RIPOR2: variants seen among roughly 807,000 people sequenced by gnomAD.
RIPOR2 encodes the protein RHO family interacting cell polarization regulator 2, also known as rho family-interacting cell polarization regulator 2.
Under a neutral mutation model 114.5 loss-of-function variants are expected in RIPOR2, and 39 were observed. The observed-to-expected ratio is 0.34, with a 90% confidence interval of 0.26 to 0.44. The LOEUF is 0.44. Ranked by LOEUF, RIPOR2 falls within the 20% of genes least tolerant of loss-of-function variation. RIPOR2 has a pLI of 1.00. For missense variants in RIPOR2, 1,007 were observed against 1,255.1 expected (o/e 0.80, Z 2.99); for synonymous variants, 445 against 484.4 (o/e 0.92, Z 1.07).
chr6:24,972,158 G>C (rs1435540632), intron 1 of RIPOR2, among the ~76,000 whole-genome samples: 1 of 151,896 alleles, frequency 6.6e-6, no homozygotes. Flanking sequence ...CATGTAACAG[G>C]GTAAAGAAAA....
chr6:24,865,334 T>G lies in RIPOR2; in HGVS notation c.618A>C (p.Thr206=), dbSNP rs767338870. Residue 206 remains threonine (T), a synonymous_variant, in exon 7 of 22, where the codon ACA becomes ACC. Coordinates refer to ENST00000643898, the MANE Select transcript of RIPOR2 (RefSeq NM_001286445.3). ...PASKAARESL[T]EINRSFKEYT... ...ACTCCTTGAAGCTCCGATTGATCTC[T>G]GTCAGACTCTCCCGGGCAGCTTTGC... 17 of 1,612,544 alleles carry G rather than the reference T, an allele frequency of 1.1e-5. No individual in the cohort carries two copies. The Admixed American group carries it at 1.7e-4, about 16-fold the overall frequency.
chr6:24,943,370 T>C (rs900518305), intron 1 of RIPOR2, among the ~76,000 whole-genome samples: 4 of 152,056 alleles, frequency 2.6e-5, no homozygotes, highest in South Asian at 2.1e-4. Context: ...AGGGATAGCA[T>C]TAGGAGATAC....
chr6:25,005,961 C>A (rs1775547568), intron 1 of RIPOR2, among the ~76,000 whole-genome samples: 1 of 151,760 alleles, frequency 6.6e-6, no homozygotes, highest in African/African-American at 2.4e-5. Context: ...ATTCTATGCC[C>A]AGCACAAAAG....
At chr6:24,874,436 T>G (rs1340557007) in intron 2 of RIPOR2, among the ~76,000 whole-genome samples, 1 of 152,312 alleles carries the variant, frequency 6.6e-6, no homozygotes, top group Non-Finnish European at 1.5e-5. Flanking sequence ...AATCATCTTG[T>G]GTTCACACTA....
intron 14 of RIPOR2, among the ~76,000 whole-genome samples, chr6:24,837,516 C>T (rs1259048317): frequency 6.6e-6 from 1 of 151,944 alleles, no homozygotes; most frequent in Admixed American, 6.6e-5. Context: ...TTCAAGCAAT[C>T]CTCCCACCTC....
At chr6:24,976,288 C>A in intron 1 of RIPOR2, 1 of 667,458 alleles carries the variant, frequency 1.5e-6, no homozygotes, top group Non-Finnish European at 2.6e-6. Context: ...CGTATATATG[C>A]CTTGAAATAT....
intron 1 of RIPOR2, among the ~76,000 whole-genome samples, chr6:24,949,635 C>T (rs935393317): frequency 6.6e-6 from 1 of 152,162 alleles, no homozygotes; most frequent in African/African-American, 2.4e-5. Context: ...TTGGCAAATG[C>T]CAAAAACAGT....
At chr6:24,842,769 T>C (rs982756376) in intron 13 of RIPOR2, 93 bp downstream of exon 13, 20 of 502,694 alleles carry the variant, frequency 4.0e-5, no homozygotes, top group Non-Finnish European at 6.1e-5. Context: ...TTGGACAGGA[T>C]TTTTTTTTTA....
chr6:24,923,066 C>T (rs143809410), intron 1 of RIPOR2, among the ~76,000 whole-genome samples: 467 of 152,132 alleles, frequency 3.1e-3, no homozygotes, highest in African/African-American at 0.01. Flanking sequence ...TGGCAACCAC[C>T]GTCTATTTAT....
chr6:24,870,765 C>T (rs960507227), intron 5 of RIPOR2, 101 bp downstream of exon 5: 23 of 791,290 alleles, frequency 2.9e-5, no homozygotes, highest in Middle Eastern at 2.3e-4. Context: ...CCACCCACCT[C>T]GGCCTCCCAA....
intron 1 of RIPOR2, among the ~76,000 whole-genome samples, chr6:25,003,364 T>C (rs1425038646): frequency 6.6e-6 from 1 of 150,726 alleles, no homozygotes; most frequent in African/African-American, 2.4e-5. Flanking sequence ...ACATGAATTA[T>C]CAGTTTTTCA....
At chr6:24,839,411 T>A in intron 13 of RIPOR2, 139 bp from the exon 14 acceptor site, 1 of 1,432,254 alleles carries the variant, frequency 7.0e-7, no homozygotes, top group Non-Finnish European at 9.2e-7. Flanking sequence ...AAAATGCATT[T>A]AAAAATCTTT....
At chr6:24,808,755 C>A (rs1287502013) in intron 21 of RIPOR2, among the ~76,000 whole-genome samples, 1 of 94,330 alleles carries the variant, frequency 1.1e-5, no homozygotes, top group Non-Finnish European at 2.1e-5. Context: ...ATTATTTATA[C>A]TTTTTTCTTT....
At chr6:24,976,616 A>G in intron 1 of RIPOR2, 6 of 1,609,214 alleles carry the variant, frequency 3.7e-6, no homozygotes, top group Non-Finnish European at 5.1e-6. Flanking sequence ...ACTGGAGAGA[A>G]AGGATTTGGT....
At chr6:25,002,417 T>C (rs1310082548) in intron 1 of RIPOR2, among the ~76,000 whole-genome samples, 1 of 152,236 alleles carries the variant, frequency 6.6e-6, no homozygotes, top group Non-Finnish European at 1.5e-5. Context: ...TTCTTCATTG[T>C]TCATCTTTTT....
In RIPOR2 at chr6:24,849,887, C is replaced by A. The variant is rs999550454; in HGVS notation, c.949G>T (p.Glu317Ter). ...ACCTGAGGTCGGGCTGCAAACAGCT[C>A]TTTGGTCTCACAGGTCACGCTACCT... is the stretch of plus-strand genomic sequence containing the variant. Reference protein sequence around the residue: ...LVGSVTCETKELFAARPQVVA... With the variant: ...LVGSVTCETK The change falls in exon 11 of 22, where the codon GAG (glutamate) becomes TAG (stop). Residue 317 changes from glutamate (E) to a stop codon, truncating the protein, a stop_gained. Coordinates refer to ENST00000643898, the MANE Select transcript of RIPOR2 (RefSeq NM_001286445.3). LOFTEE classifies it high-confidence loss of function. 8.1e-6 allele frequency: 13 copies of A among 1,613,798 alleles called. No individual in the cohort carries two copies. The highest frequency in any genetic ancestry group is 8.5e-6 in the Non-Finnish European group (10 of 1,179,864).
chr6:25,026,971 T>A (rs1416512067), intron 1 of RIPOR2, among the ~76,000 whole-genome samples: 1 of 152,056 alleles, frequency 6.6e-6, no homozygotes, highest in Non-Finnish European at 1.5e-5. Flanking sequence ...TTTGCTGACA[T>A]CACCTCACAA....
intron 1 of RIPOR2, among the ~76,000 whole-genome samples, chr6:25,013,862 T>C (rs1036913888): frequency 6.6e-6 from 1 of 152,226 alleles, no homozygotes; most frequent in African/African-American, 2.4e-5. Context: ...AGGAAGCTAA[T>C]AATTCAAGCC....
Position 24,881,191 on chromosome 6 carries a change from C to T in RIPOR2, c.62-5374G>A, listed in dbSNP as rs551726874. Among the ~76,000 whole-genome samples, 30 of 152,248 alleles carry T rather than the reference C, an allele frequency of 2.0e-4. No individual in the cohort carries two copies. The East Asian group carries it at 5.6e-3, about 28-fold the overall frequency. Reference sequence around the variant, plus strand: ...CCCGGGAGGCAGAGGTTGCAGTGAGCCGAGATCACGCCATTGTACTCCAGC... The same window carrying T: ...CCCGGGAGGCAGAGGTTGCAGTGAGTCGAGATCACGCCATTGTACTCCAGC... On this transcript the variant is annotated intron_variant, in intron 1 of 21. Coordinates refer to ENST00000643898, the MANE Select transcript of RIPOR2 (RefSeq NM_001286445.3).
Sources: allele counts gnomAD v4.1 joint callset (sites outside exome capture counted in the v4.1 genomes callset), GRCh38; gene constraint gnomAD v4.1.1; transcripts MANE v1.5; gene names NCBI Gene and HGNC (gene_info 2026-07-23, HGNC 2026-07-21).